APBB3: variants seen among roughly 807,000 people sequenced by gnomAD.
APBB3 encodes the protein amyloid-beta A4 precursor protein-binding family B member 3.
Under a neutral mutation model 61.5 loss-of-function variants are expected in APBB3, and 50 were observed. The ratio of observed to expected loss-of-function variants is 0.81; its 90% confidence interval spans 0.65 to 1.03. The LOEUF is 1.03. Ranked by LOEUF, APBB3 falls within the 50% of genes least tolerant of loss-of-function variation. The pLI is 0.00. For synonymous variants in APBB3, 235 were observed against 233.0 expected (o/e 1.01, Z -0.08); for missense variants, 550 against 637.4 (o/e 0.86, Z 1.48).
At position 140,561,829 on chromosome 5, in the gene APBB3, C is replaced by G. The variant is rs1224954869; in HGVS notation, c.632+15G>C. ...ACATCAGGGATGGGGCTCAGGATAC[C>G]TGGTTTTCACTCACCTGTCACTGTT... On this transcript the variant is annotated intron_variant, in intron 7 of 12. Coordinates refer to ENST00000357560, the MANE Select transcript of APBB3 (RefSeq NM_133173.3). 1 of 1,613,782 alleles carries G rather than the reference C, an allele frequency of 6.2e-7. No individual in the cohort carries two copies.
Position 140,559,070 on chromosome 5 carries a change from T to C in APBB3, c.1225-249A>G, listed in dbSNP as rs146986861. On this transcript the variant is annotated intron_variant, in intron 12 of 12. Transcript: ENST00000357560. The stretch of plus-strand genomic sequence containing the variant: ...TAATTCAGTTATTTATGAGGGGTTA[T>C]TATCCCTGTTTTGCAAAAGAGGAAA... 1.7e-3 allele frequency among the ~76,000 whole-genome samples: 253 copies of C among 152,298 alleles called. 1 individual carries two copies. The highest frequency in any genetic ancestry group is 3.1e-3 in the Admixed American group (48 of 15,296).
rs546679705 is a variant in APBB3, at chr5:140,561,371, G to A, written c.826C>T (p.Arg276Trp). ...PDPISPEDLP[R>W]QVELLDAVSQ... Reference sequence around the variant, plus strand: ...AGGTCTCCCCTCCCCATACCTTGCCGTGGCAGGTCTTCAGGAGAGATGGGG... The same window carrying A: ...AGGTCTCCCCTCCCCATACCTTGCCATGGCAGGTCTTCAGGAGAGATGGGG... Residue 276 changes from arginine to tryptophan, a missense_variant, in exon 9 of 13, where the codon CGG (arginine) becomes TGG (tryptophan). Transcript: ENST00000357560. The A allele has an allele frequency of 2.2e-5, 35 of 1,614,168 alleles. No homozygotes were observed. Among genetic ancestry groups the A allele is most frequent in the South Asian group, 3.3e-5 (3 of 91,076 alleles).
In APBB3 at chr5:140,562,818, A is replaced by C. The variant is rs1755023435; in HGVS notation, c.291-95T>G. On this transcript the variant is annotated intron_variant, in intron 3 of 12. Coordinates refer to ENST00000357560, the MANE Select transcript of APBB3 (RefSeq NM_133173.3). ...CTTGATAAGCACAGGATGAGGGGCA[A>C]GACCCAGAATATAGCACCAGAAATA... The C allele has an allele frequency of 9.3e-6, 11 of 1,187,698 alleles. No individual in the cohort carries two copies. In the East Asian group the frequency reaches 2.6e-4, roughly 28 times the overall value. 73.6% of individuals were successfully genotyped at this position (1,187,698 alleles called of 1,614,324 possible). A position where few individuals can be genotyped will look rare whatever the true frequency, so the allele number is the denominator to read the frequency against.
intron 7 of APBB3, 36 bp downstream of exon 7, chr5:140,561,808 C>G: frequency 6.2e-7 from 1 of 1,613,908 alleles, no homozygotes; most frequent in Non-Finnish European, 8.5e-7. Flanking sequence ...GTAGGGACAT[C>G]AGGGATGGGG....
Position 140,563,811 on chromosome 5 carries a change from C to A in APBB3, c.154G>T (p.Gly52Cys). ...AGTYYWHVPS[G>C]STQWQRPTWE... ...GTTGGGCGCTGCCACTGGGTGCTACCGCTGGGTACATGCCAGTAGTAAGTA... is the reference window on the plus strand; with the variant it reads ...GTTGGGCGCTGCCACTGGGTGCTACAGCTGGGTACATGCCAGTAGTAAGTA... The change falls in exon 2 of 13, where the codon GGT (glycine) becomes TGT (cysteine). Residue 52 changes from glycine (G) to cysteine (C), a missense_variant. Physicochemically the swap from Gly to Cys is radical, Grantham distance 159. Around this residue, in one of 3 missense-constraint regions of APBB3, gnomAD observed 405 missense variants for 483.4 expected, o/e 0.84. Transcript: ENST00000357560. 1 of 1,614,164 alleles carries A rather than the reference C, an allele frequency of 6.2e-7. No homozygotes were observed.
rs960186735 is a variant in APBB3, at chr5:140,562,633, C to T, written c.351+30G>A. On this transcript the variant is annotated intron_variant, in intron 4 of 12. Coordinates refer to ENST00000357560, the MANE Select transcript of APBB3 (RefSeq NM_133173.3). The stretch of plus-strand genomic sequence containing the variant: ...CCCACCCTTGTCTTTCCCTTGGGAC[C>T]TCCCAATGCCCTCAGGCCCAAGTCA... The T allele has an allele frequency of 7.4e-6, 12 of 1,613,316 alleles. No individual in the cohort carries two copies. In the African/African-American group the frequency reaches 1.2e-4, roughly 16 times the overall value.
intron 3 of APBB3, 190 bp downstream of exon 3, chr5:140,563,404 A>G: frequency 3.0e-6 from 2 of 676,572 alleles, no homozygotes; most frequent in East Asian, 2.7e-5. Context: ...GCTACAAACA[A>G]GAGCTTAGAA....
intron 12 of APBB3, among the ~76,000 whole-genome samples, chr5:140,559,298 T>G (rs756248805): frequency 6.6e-6 from 1 of 152,128 alleles, no homozygotes; most frequent in Non-Finnish European, 1.5e-5. Context: ...GGTGTACAAC[T>G]CAAACTCCAG....
rs748049305 is a variant in APBB3 at position 140,561,576 on chromosome 5, C to T, written c.747+11G>A. The T allele has an allele frequency of 6.2e-6, 10 of 1,614,074 alleles. No individual in the cohort carries two copies. The highest frequency in any genetic ancestry group is 8.5e-6 in the Non-Finnish European group (10 of 1,180,020). On this transcript the variant is annotated intron_variant, in intron 8 of 12. Transcript: ENST00000357560. The stretch of plus-strand genomic sequence containing the variant: ...CTTACCCACATTCCCTGCCCCACCC[C>T]TGACACTTACCTGGGCACAAAGCCC...
chr5:140,560,908 G>T lies in APBB3; in HGVS notation c.916+110C>A. 1 of 1,405,972 alleles carries T rather than the reference G, an allele frequency of 7.1e-7. No homozygotes were observed. Among genetic ancestry groups the T allele is most frequent in the Non-Finnish European group, 9.9e-7 (1 of 1,012,566 alleles). The allele number at this position is 1,405,972 out of a possible 1,614,324, so 87.1% of individuals were successfully genotyped here. ...GATTTGGGAAGGCTGGTAGACCCCA[G>T]GCCATAACAAGGCCACGGGAGGACT... On this transcript the variant is annotated intron_variant, in intron 10 of 12. Transcript: ENST00000357560. The surrounding 1 kb of genome is among the most constrained non-coding windows in gnomAD (Gnocchi z 5.1).
rs773944900 is a variant in APBB3, at chr5:140,558,646, C to G, written c.1400G>C (p.Arg467Pro). 13 of 1,614,060 alleles carry G rather than the reference C, an allele frequency of 8.1e-6. No homozygotes were observed. Among genetic ancestry groups the G allele is most frequent in the South Asian group, 3.3e-5 (3 of 91,090 alleles). Residue 467 changes from arginine (R) to proline (P), a missense_variant, in exon 13 of 13, where the codon CGG becomes CCG. This residue lies in a region of APBB3 where 138 missense variants were observed against 132.6 expected (regional missense o/e 1.04). Coordinates refer to ENST00000357560, the MANE Select transcript of APBB3 (RefSeq NM_133173.3). ...VGGAGATPRKRGVFSFLDAFR... is the reference protein window; with the variant it reads ...VGGAGATPRKPGVFSFLDAFR... Reference sequence around the variant, plus strand: ...GGCATCAAGAAAAGAGAAGACACCCCGCTTTCGAGGGGTTGCCCCTGCACC... The same window carrying G: ...GGCATCAAGAAAAGAGAAGACACCCGGCTTTCGAGGGGTTGCCCCTGCACC...
chr5:140,563,353 A>G (rs531387782), intron 3 of APBB3: 8 of 584,018 alleles, frequency 1.4e-5, no homozygotes, highest in Non-Finnish European at 3.0e-6. Context: ...GCCAAGGTCT[A>G]GAACATGATA....
Position 140,563,785 on chromosome 5 carries a change from G to C in APBB3, c.180C>G (p.Thr60=), listed in dbSNP as rs138100061. ...GGTCCTCTGCATCTCCTAGTTCCCA[G>C]GTTGGGCGCTGCCACTGGGTGCTAC... is the stretch of plus-strand genomic sequence containing the variant. ...PSGSTQWQRP[T]WELGDAEDPG... Residue 60 remains threonine (T), a synonymous_variant, in exon 2 of 13, where the codon ACC becomes ACG. Transcript: ENST00000357560. The C allele has an allele frequency of 1.3e-5, 21 of 1,614,026 alleles. No individual in the cohort carries two copies. Among genetic ancestry groups the C allele is most frequent in the Non-Finnish European group, 1.8e-5 (21 of 1,180,032 alleles).
intron 9 of APBB3, 63 bp downstream of exon 9, chr5:140,561,302 G>GCC (rs533756040): frequency 1.9e-6 from 3 of 1,569,080 alleles, no homozygotes; most frequent in Middle Eastern, 1.7e-4. Flanking sequence ...ACCAGAAATC[G>GCC]CCCCCCCACA....
chr5:140,563,111 G>A (rs1174081080), intron 3 of APBB3, among the ~76,000 whole-genome samples: 2 of 152,220 alleles, frequency 1.3e-5, no homozygotes, highest in African/African-American at 2.4e-5. Flanking sequence ...TGGGCATGGT[G>A]GCATGTGCCT....
intron 3 of APBB3, 158 bp from the exon 4 acceptor site, chr5:140,562,881 G>A (rs538226343): frequency 1.8e-5 from 12 of 649,164 alleles, no homozygotes; most frequent in East Asian, 5.5e-5. Context: ...ACATATTAAC[G>A]TAACATAAAG....
In APBB3 at chr5:140,563,592, A is replaced by T; in HGVS notation, c.290+2T>A. On this transcript the variant is annotated splice_donor_variant, in intron 3 of 12. Transcript: ENST00000357560. LOFTEE classifies it high-confidence loss of function. ...TTTCATTTTGCCTGGGCCACCCGTT[A>T]CCTCCGGTCCAGTGAACTCTCCAGG... 4 of 1,613,988 alleles carry T rather than the reference A, an allele frequency of 2.5e-6. No homozygotes were observed. The highest frequency in any genetic ancestry group is 3.4e-6 in the Non-Finnish European group (4 of 1,180,000).
intron 9 of APBB3, 110 bp from the exon 10 acceptor site, chr5:140,561,211 C>T: frequency 6.9e-7 from 1 of 1,443,754 alleles, no homozygotes; most frequent in African/African-American, 1.4e-5. Flanking sequence ...GAAGAAATGG[C>T]TCATAGATGC....
Position 140,563,581 on chromosome 5 carries a change from G to T in APBB3, c.290+13C>A, listed in dbSNP as rs368054220. 3.7e-6 allele frequency: 6 copies of T among 1,613,940 alleles called. No individual in the cohort carries two copies. The highest frequency in any genetic ancestry group is 3.4e-6 in the Non-Finnish European group (4 of 1,180,016). ...AACCCCAAGCCTTTCATTTTGCCTG[G>T]GCCACCCGTTACCTCCGGTCCAGTG... On this transcript the variant is annotated intron_variant, in intron 3 of 12. Transcript: ENST00000357560.
Sources: allele counts gnomAD v4.1 joint callset (sites outside exome capture counted in the v4.1 genomes callset), GRCh38; gene constraint gnomAD v4.1.1; regional missense constraint gnomAD v4.1.1; non-coding constraint Gnocchi (gnomAD v3.1); transcripts MANE v1.5; gene names NCBI Gene and HGNC (gene_info 2026-07-23, HGNC 2026-07-21).